The following RBMS3 variants were observed in gnomAD, a reference collection of about 807,000 sequenced individuals.
RBMS3 encodes the protein RNA-binding motif, single-stranded-interacting protein 3.
In RBMS3, 27 loss-of-function variants were observed where a neutral mutation model predicts 66.8. The ratio of observed to expected loss-of-function variants is 0.40; its 90% CI spans 0.30 to 0.56. The LOEUF (loss-of-function observed/expected upper bound fraction) is 0.56. Ranked by LOEUF, RBMS3 falls within the 20% of genes least tolerant of loss-of-function variation. RBMS3 has a pLI of 0.40. For synonymous variants in RBMS3, 188 were observed against 183.0 expected (o/e 1.03, Z -0.22); for missense variants, 513 against 549.5 (o/e 0.93, Z 0.66).
intron 12 of RBMS3, among the ~76,000 whole-genome samples, chr3:29,958,482 C>T (rs1185796076): frequency 6.6e-6 from 1 of 152,020 alleles, no homozygotes. Context: ...AAAAACTCTG[C>T]TGTTATTTTA....
intron 6 of RBMS3, among the ~76,000 whole-genome samples, chr3:29,782,723 T>A (rs1157323866): frequency 6.6e-6 from 1 of 152,146 alleles, no homozygotes; most frequent in Non-Finnish European, 1.5e-5. Flanking sequence ...AGGTTGATTA[T>A]TAAGCTAATC....
chr3:29,434,387 A>C (rs2041319103), intron 1 of RBMS3, among the ~76,000 whole-genome samples: 1 of 152,186 alleles, frequency 6.6e-6, no homozygotes. Flanking sequence ...CTAGGGTCAG[A>C]GTTTATTGCC....
intron 4 of RBMS3, among the ~76,000 whole-genome samples, chr3:29,653,839 A>G (rs1377824917): frequency 1.3e-5 from 2 of 152,142 alleles, no homozygotes; most frequent in African/African-American, 4.8e-5. Context: ...CTTGACCACA[A>G]TGTTATGCTG....
intron 5 of RBMS3, among the ~76,000 whole-genome samples, chr3:29,760,861 T>A (rs1364415705): frequency 6.6e-6 from 1 of 152,120 alleles, no homozygotes; most frequent in African/African-American, 2.4e-5. Flanking sequence ...CTGTTTTTGT[T>A]TTTATTTTTA....
intron 1 of RBMS3, among the ~76,000 whole-genome samples, chr3:29,350,332 A>G (rs1188990112): frequency 6.6e-6 from 1 of 152,158 alleles, no homozygotes; most frequent in African/African-American, 2.4e-5. Context: ...TGAATGATCA[A>G]TTGAGTTAGG....
intron 12 of RBMS3, among the ~76,000 whole-genome samples, chr3:29,949,541 T>C (rs1695541334): frequency 1.3e-5 from 2 of 151,836 alleles, no homozygotes; most frequent in Admixed American, 1.3e-4. Context: ...GTCACTGATA[T>C]TCTTTATAAT....
At chr3:29,864,906 AAGAG>A (rs1347234126) in intron 6 of RBMS3, among the ~76,000 whole-genome samples, 4 of 89,250 alleles carry the variant, frequency 4.5e-5, no homozygotes, top group Non-Finnish European at 4.7e-5. Context: ...AGGAAGGAGG[AAGAG>A]AGAGAGAGGA....
At chr3:29,860,766 T>TTCTATTAGTATCATGTTTTCA (rs1301324171) in intron 6 of RBMS3, among the ~76,000 whole-genome samples, 1 of 152,232 alleles carries the variant, frequency 6.6e-6, no homozygotes, top group Admixed American at 6.5e-5. Flanking sequence ...ATTATCATCC[T>TTCTATTAGTATCATGTTTTCA]TCTATTAGTA....
chr3:29,784,441 G>T (rs900314878), intron 6 of RBMS3, among the ~76,000 whole-genome samples: 1 of 152,052 alleles, frequency 6.6e-6, no homozygotes, highest in Non-Finnish European at 1.5e-5. Context: ...TGATCACGGG[G>T]TCAACAATGA....
Position 29,478,738 on chromosome 3 carries a change from T to C in RBMS3, c.249-9703T>C, listed in dbSNP as rs570523186. ...TTGATGTCTTCTCAAATAGCAGATG[T>C]AAAATCTGCTGTGAAGCTATGTTTT... is the stretch of plus-strand genomic sequence containing the variant. On this transcript the variant is annotated intron_variant, in intron 2 of 14. Coordinates refer to ENST00000383767, the MANE Select transcript of RBMS3 (RefSeq NM_001003793.3). Among the ~76,000 whole-genome samples, 5 of 152,354 alleles carry C rather than the reference T, an allele frequency of 3.3e-5. No homozygotes were observed. The South Asian group carries it at 1.0e-3, about 32-fold the overall frequency.
At chr3:29,583,519 G>C (rs866751242) in intron 3 of RBMS3, among the ~76,000 whole-genome samples, 2 of 152,184 alleles carry the variant, frequency 1.3e-5, no homozygotes, top group Middle Eastern at 3.4e-3. Flanking sequence ...TTAAGCATAG[G>C]CTAGATGTTA....
chr3:29,420,550 A>T (rs1033181822), intron 1 of RBMS3, among the ~76,000 whole-genome samples: 1 of 127,482 alleles, frequency 7.8e-6, no homozygotes, highest in Admixed American at 8.9e-5. Flanking sequence ...TCAGTGGTGT[A>T]CTTAGGTTTG....
intron 5 of RBMS3, among the ~76,000 whole-genome samples, chr3:29,761,884 A>T (rs1161923037): frequency 1.3e-5 from 2 of 152,156 alleles, no homozygotes; most frequent in Non-Finnish European, 2.9e-5. Flanking sequence ...ATGTGTGTGT[A>T]TGCTGTTTCT....
At chr3:29,692,805 C>A (rs1368220961) in intron 4 of RBMS3, among the ~76,000 whole-genome samples, 3 of 152,166 alleles carry the variant, frequency 2.0e-5, no homozygotes, top group Non-Finnish European at 2.9e-5. Flanking sequence ...GAAACATAAC[C>A]TTAAGCATAA....
intron 3 of RBMS3, 46 bp downstream of exon 3, chr3:29,488,545 T>G: frequency 2.0e-6 from 3 of 1,518,664 alleles, no homozygotes; most frequent in Non-Finnish European, 2.7e-6. Context: ...CTATGCTATC[T>G]GATTAATGGT....
intron 4 of RBMS3, among the ~76,000 whole-genome samples, chr3:29,684,568 T>C (rs572288689): frequency 6.6e-6 from 1 of 152,344 alleles, no homozygotes; most frequent in Non-Finnish European, 1.5e-5. Flanking sequence ...ATAGTTTTTT[T>C]CCCTGAAAGC....
chr3:29,947,534 C>G (rs1276180452), intron 12 of RBMS3, among the ~76,000 whole-genome samples: 2 of 151,466 alleles, frequency 1.3e-5, no homozygotes, highest in Non-Finnish European at 3.0e-5. Context: ...TCCCTGGAGT[C>G]ACCTCTTGTT....
chr3:29,531,888 C>T (rs955514207), intron 3 of RBMS3, among the ~76,000 whole-genome samples: 7 of 152,090 alleles, frequency 4.6e-5, no homozygotes, highest in Admixed American at 1.3e-4. Flanking sequence ...TCTTTTGTCA[C>T]GTAGCAATTC....
At chr3:29,951,490 T>TA (rs1025115972) in intron 12 of RBMS3, among the ~76,000 whole-genome samples, 1 of 151,772 alleles carries the variant, frequency 6.6e-6, no homozygotes, top group African/African-American at 2.4e-5. Context: ...ATCTATTCAT[T>TA]ACCCTTTATA....
Sources: allele counts gnomAD v4.1 joint callset (sites outside exome capture counted in the v4.1 genomes callset), GRCh38; gene constraint gnomAD v4.1.1; transcripts MANE v1.5; gene names NCBI Gene and HGNC (gene_info 2026-07-23, HGNC 2026-07-21).